IQCH: variants seen among roughly 807,000 people sequenced by gnomAD.
IQCH encodes IQ domain-containing protein H.
IQCH carries 98 observed loss-of-function variants against 117.0 expected under a neutral mutation model. The ratio of observed to expected loss-of-function variants is 0.84; its 90% confidence interval spans 0.71 to 0.99. IQCH has a LOEUF of 0.99. IQCH is among the 50% of genes least tolerant of loss of function. The pLI, the probability that IQCH is intolerant of heterozygous loss-of-function variation, is 0.00. For missense variants in IQCH, 1,102 were observed against 1,243.8 expected, an observed-to-expected ratio of 0.89 and a Z score of 1.72; for synonymous variants, 412 against 448.2, an observed-to-expected ratio of 0.92 and a Z score of 1.02.
At chr15:67,482,629 C>T (rs2141066920) in intron 18 of IQCH, among the ~76,000 whole-genome samples, 1 of 152,248 alleles carries the variant, frequency 6.6e-6, no homozygotes, top group South Asian at 2.1e-4. Flanking sequence ...TGCAAGTTTA[C>T]TAGCAAAAAA....
Position 67,387,517 on chromosome 15 carries a change from T to G in IQCH, c.1457-1314T>G, listed in dbSNP as rs190552708. The stretch of plus-strand genomic sequence containing the variant: ...GCTTGGAAAGACAAGATTAATAGAT[T>G]GGAAACAATAGGATAGAACCACAGA... On this transcript the variant is annotated intron_variant, in intron 11 of 20. Coordinates refer to ENST00000335894, the MANE Select transcript of IQCH (RefSeq NM_001031715.3). The surrounding 1 kb of genome is among the most constrained non-coding windows in gnomAD (Gnocchi z 4.8). Among the ~76,000 whole-genome samples, 126 of 152,190 alleles carry G rather than the reference T, an allele frequency of 8.3e-4. 6 individuals carry two copies. The highest frequency in any genetic ancestry group is 6.8e-3 in the Middle Eastern group (2 of 294).
rs894614348 is a variant in IQCH at position 67,402,404 on chromosome 15, G to A, written c.2097+2099G>A. Among the ~76,000 whole-genome samples the A allele has an allele frequency of 2.6e-5, 4 of 152,114 alleles. No homozygotes were observed. In the South Asian group the frequency reaches 6.2e-4, roughly 24 times the overall value. On this transcript the variant is annotated intron_variant, in intron 14 of 20. Transcript: ENST00000335894. The stretch of plus-strand genomic sequence containing the variant: ...TTGCCTTCAAAGTGAAATCATATTC[G>A]GAGTGGAGGTGAGCTGCAGTCTCCA...
In IQCH at chr15:67,320,728, A is replaced by G. The variant is rs138861856; in HGVS notation, c.388-16247A>G. ...GGGCTCCTATTAACAAATTATAGCT[A>G]TATCATTGTTAGCTATGTGTTAATC... On this transcript the variant is annotated intron_variant, in intron 4 of 20. Coordinates refer to ENST00000335894, the MANE Select transcript of IQCH (RefSeq NM_001031715.3). Among the ~76,000 whole-genome samples the G allele has an allele frequency of 1.8e-3, 274 of 152,236 alleles. 1 individual carries two copies. The highest frequency in any genetic ancestry group is 5.2e-3 in the Admixed American group (79 of 15,294).
chr15:67,336,958 A>G lies in IQCH; in HGVS notation c.388-17A>G. 6.2e-7 allele frequency: 1 copy of G among 1,611,810 alleles called. No homozygotes were observed. Among genetic ancestry groups the G allele is most frequent in the Non-Finnish European group, 8.5e-7 (1 of 1,179,048 alleles). On this transcript the variant is annotated splice_polypyrimidine_tract_variant and intron_variant, in intron 4 of 20. Coordinates refer to ENST00000335894, the MANE Select transcript of IQCH (RefSeq NM_001031715.3). ...GAAGGCAAAAATGTTTGCTGAAACA[A>G]ATTTTTTATTATCTAGATAAAGGTT...
chr15:67,421,343 G>T lies in IQCH; in HGVS notation c.2271G>T (p.Val757=). The T allele has an allele frequency of 6.2e-7, 1 of 1,614,130 alleles. No homozygotes were observed. Among genetic ancestry groups the T allele is most frequent in the Non-Finnish European group, 8.5e-7 (1 of 1,179,996 alleles). Reference sequence around the variant, plus strand: ...CAGACAATGTCACCAACCTCACAGTGGACATGCTGATAGAGCCCAACGGGA... The same window carrying T: ...CAGACAATGTCACCAACCTCACAGTTGACATGCTGATAGAGCCCAACGGGA... ...PPADNVTNLT[V]DMLIEPNGKI... is the part of the protein sequence containing the mutation. Residue 757 remains valine, a synonymous_variant, in exon 16 of 21, where the codon GTG becomes GTT. Coordinates refer to ENST00000335894, the MANE Select transcript of IQCH (RefSeq NM_001031715.3).
At chr15:67,267,530 G>T (rs894512518) in intron 3 of IQCH, among the ~76,000 whole-genome samples, 27 of 152,346 alleles carry the variant, frequency 1.8e-4, no homozygotes, top group African/African-American at 6.3e-4. Flanking sequence ...CGGTTGCTAT[G>T]AACGATTGGA....
Position 67,432,497 on chromosome 15 carries a change from C to A in IQCH, c.2505+10920C>A, listed in dbSNP as rs2082041634. 6.6e-6 allele frequency among the ~76,000 whole-genome samples: 1 copy of A among 152,042 alleles called. No individual in the cohort carries two copies. Among genetic ancestry groups the A allele is most frequent in the South Asian group, 2.1e-4 (1 of 4,816 alleles). On this transcript the variant is annotated intron_variant, in intron 16 of 20. Transcript: ENST00000335894. This position sits in a 1 kb window ranked among gnomAD's most constrained non-coding sequence, Gnocchi z 5.0. ...AATCTGAGCCTTGTTTTTTTGTTAT[C>A]AACTGGTAAATTCCTGCCCTCTTCC... is the stretch of plus-strand genomic sequence containing the variant.
chr15:67,273,271 A>G (rs1008935648), intron 3 of IQCH, among the ~76,000 whole-genome samples: 9 of 151,608 alleles, frequency 5.9e-5, no homozygotes, highest in African/African-American at 2.2e-4. Context: ...GGGTTTCACC[A>G]TGTTGCCAGG....
At position 67,365,870 on chromosome 15, in the gene IQCH, C is replaced by T. The variant is rs890674549; in HGVS notation, c.753+5985C>T. Among the ~76,000 whole-genome samples the T allele has an allele frequency of 1.3e-5, 2 of 152,076 alleles. No individual in the cohort carries two copies. The highest frequency in any genetic ancestry group is 2.9e-5 in the Non-Finnish European group (2 of 68,020). On this transcript the variant is annotated intron_variant, in intron 8 of 20. Transcript: ENST00000335894. This position sits in a 1 kb window ranked among gnomAD's most constrained non-coding sequence, Gnocchi z 4.4. ...ACTTGAACCTGGGAGGTGGAGGTTG[C>T]AGTGAGCTGAGATTGCACCACTGCA...
chr15:67,355,836 C>T (rs900955701), intron 6 of IQCH, among the ~76,000 whole-genome samples: 4 of 152,330 alleles, frequency 2.6e-5, no homozygotes, highest in Admixed American at 2.0e-4. Context: ...GATAGCATTT[C>T]TGCAGACAGC....
intron 6 of IQCH, among the ~76,000 whole-genome samples, chr15:67,346,999 A>T (rs1275107659): frequency 1.3e-5 from 2 of 152,104 alleles, no homozygotes; most frequent in African/African-American, 4.8e-5. Context: ...CACACAACAT[A>T]TTGAAGTTTG....
rs2082623999 is a variant in IQCH at position 67,454,888 on chromosome 15, A to T, written c.2506-10239A>T. ...CATTCATATAAAAGTGTTCGCATAA[A>T]CATGTGTTTTCATTTGTCTTGGTTA... On this transcript the variant is annotated intron_variant, in intron 16 of 20. Transcript: ENST00000335894. This position sits in a 1 kb window ranked among gnomAD's most constrained non-coding sequence, Gnocchi z 5.2. Among the ~76,000 whole-genome samples the T allele has an allele frequency of 6.6e-6, 1 of 152,216 alleles. No individual in the cohort carries two copies. The highest frequency in any genetic ancestry group is 1.5e-5 in the Non-Finnish European group (1 of 68,046).
intron 16 of IQCH, among the ~76,000 whole-genome samples, chr15:67,423,507 C>T (rs1271345815): frequency 6.6e-6 from 1 of 151,390 alleles, no homozygotes; most frequent in Non-Finnish European, 1.5e-5. Context: ...TCACTGTAGC[C>T]TCAACCTCCC....
Position 67,261,330 on chromosome 15 carries a change from AAGG to A in IQCH, c.113_115del (p.Gly38del), listed in dbSNP as rs1440047333. 18 of 1,589,786 alleles carry A rather than the reference AAGG, an allele frequency of 1.1e-5. No individual in the cohort carries two copies. Among genetic ancestry groups the A allele is most frequent in the Middle Eastern group, 3.3e-4 (2 of 5,992 alleles). On this transcript the variant is annotated inframe_deletion, in exon 2 of 21. Coordinates refer to ENST00000335894, the MANE Select transcript of IQCH (RefSeq NM_001031715.3). ...TTAACAAAATTCTCACCTGAGGAAAAAGGAGAGACTCTAGACATTCAGAGTCTT... is the reference window on the plus strand; with the variant it reads ...TTAACAAAATTCTCACCTGAGGAAAAAGAGACTCTAGACATTCAGAGTCTT...
At chr15:67,265,752 C>T (rs2140440544) in intron 3 of IQCH, among the ~76,000 whole-genome samples, 1 of 152,276 alleles carries the variant, frequency 6.6e-6, no homozygotes, top group South Asian at 2.1e-4. Flanking sequence ...TCTGCACTTG[C>T]CCCAAGACGC....
intron 4 of IQCH, among the ~76,000 whole-genome samples, chr15:67,319,462 A>T (rs1432724684): frequency 6.6e-6 from 1 of 152,176 alleles, no homozygotes; most frequent in Non-Finnish European, 1.5e-5. Flanking sequence ...AGTTCTCACC[A>T]TCCATAATTC....
chr15:67,290,158 C>T (rs1966702910), intron 4 of IQCH, among the ~76,000 whole-genome samples: 1 of 152,032 alleles, frequency 6.6e-6, no homozygotes, highest in Admixed American at 6.6e-5. Flanking sequence ...TAATTCCCAG[C>T]CCTGAAAGTT....
chr15:67,281,431 G>T (rs548140033), intron 4 of IQCH, among the ~76,000 whole-genome samples: 1 of 152,146 alleles, frequency 6.6e-6, no homozygotes, highest in Non-Finnish European at 1.5e-5. Flanking sequence ...AGAAATAATG[G>T]GGGTCAGGGC....
rs1194688983 is a variant in IQCH, at chr15:67,369,542, G to C, written c.754-2569G>C. ...GGGAAGGGGAAAGAAGGGAAGGAGGGAGGGAGGAAGGAAGAAAAGGAAGGA... is the reference window on the plus strand; with the variant it reads ...GGGAAGGGGAAAGAAGGGAAGGAGGCAGGGAGGAAGGAAGAAAAGGAAGGA... On this transcript the variant is annotated intron_variant, in intron 8 of 20. Coordinates refer to ENST00000335894, the MANE Select transcript of IQCH (RefSeq NM_001031715.3). The surrounding 1 kb of genome is among the most constrained non-coding windows in gnomAD (Gnocchi z 5.2). 6.6e-6 allele frequency among the ~76,000 whole-genome samples: 1 copy of C among 151,260 alleles called. No individual in the cohort carries two copies. Among genetic ancestry groups the C allele is most frequent in the Non-Finnish European group, 1.5e-5 (1 of 67,820 alleles).
Sources: gnomAD v4.1 joint callset for allele counts (sites outside exome capture counted in the v4.1 genomes callset) on GRCh38, gnomAD v4.1.1 for gene constraint, Gnocchi (gnomAD v3.1) non-coding constraint, MANE v1.5 for transcripts, NCBI Gene and HGNC (gene_info 2026-07-23, HGNC 2026-07-21) for gene names.